HS3ST5: variants seen among roughly 807,000 people sequenced by gnomAD.
The protein encoded by HS3ST5 is heparan sulfate-glucosamine 3-sulfotransferase 5.
In HS3ST5, 10 loss-of-function variants were observed where a neutral mutation model predicts 25.4. The observed-to-expected ratio is 0.39, with a 90% CI of 0.24 to 0.67. HS3ST5 has a LOEUF of 0.67. Among genes scored for constraint, HS3ST5 ranks in the 30% least tolerant of loss-of-function variants. HS3ST5 has a pLI of 0.44. For missense variants in HS3ST5, 324 were observed against 420.7 expected (o/e 0.77, Z 2.01); for synonymous variants, 170 against 162.4 (o/e 1.05, Z -0.36).
At chr6:114,063,250 C>G (rs1582554899) in intron 3 of HS3ST5, among the ~76,000 whole-genome samples, 1 of 152,144 alleles carries the variant, frequency 6.6e-6, no homozygotes, top group African/African-American at 2.4e-5. Context: ...TACGGTGGCT[C>G]AAGCCTGTAA....
chr6:114,215,170 G>A lies in HS3ST5; in HGVS notation c.-145+13415C>T, dbSNP rs79081958. Among the ~76,000 whole-genome samples, 160 of 152,098 alleles carry A rather than the reference G, an allele frequency of 1.1e-3. 6 individuals are homozygous for A. In the East Asian group the frequency reaches 0.028, roughly 27 times the overall value. On this transcript the variant is annotated intron_variant, in intron 2 of 4. Transcript: ENST00000312719. ...AAATACAAAAAATTAGCCAGGCGTCGTGGCGGGCCCCTGTAGTCTCAGCTT... is the reference window on the plus strand; with the variant it reads ...AAATACAAAAAATTAGCCAGGCGTCATGGCGGGCCCCTGTAGTCTCAGCTT...
intron 1 of HS3ST5, among the ~76,000 whole-genome samples, chr6:114,298,475 T>C (rs1026177922): frequency 6.6e-6 from 1 of 152,272 alleles, no homozygotes; most frequent in Non-Finnish European, 1.5e-5. Context: ...TTCACAATTC[T>C]ATGAGGTAGG....
chr6:114,057,467 T>C lies in HS3ST5; in HGVS notation c.831A>G (p.Pro277=), dbSNP rs1260374887. 6.2e-7 allele frequency: 1 copy of C among 1,614,056 alleles called. No homozygotes were observed. The highest frequency in any genetic ancestry group is 8.5e-7 in the Non-Finnish European group (1 of 1,180,038). The change falls in exon 5 of 5, where the codon CCA becomes CCG. Residue 277 remains proline (P), a synonymous_variant. Coordinates refer to ENST00000312719, the MANE Select transcript of HS3ST5 (RefSeq NM_153612.4). ...AGTATAAATTGTATTGACTTATCCT[T>C]GGAGGCAGATTTAGGAACTTCTCCA... ...QLVEKFLNLP[P]RISQYNLYFN... is the part of the protein sequence containing the mutation.
intron 3 of HS3ST5, among the ~76,000 whole-genome samples, chr6:114,127,855 T>TAGAG (rs796967703): frequency 0.011 from 1,679 of 147,070 alleles, 16 homozygotes; most frequent in Middle Eastern, 0.022. Context: ...TATATATATA[T>TAGAG]AGAGAGAGAG....
intron 1 of HS3ST5, among the ~76,000 whole-genome samples, chr6:114,259,409 G>A (rs9398373): frequency 0.046 from 7,000 of 152,202 alleles, 180 homozygotes; most frequent in Middle Eastern, 0.075. Context: ...TATACATCAT[G>A]TTTCCCTTCC....
chr6:114,210,520 C>T lies in HS3ST5; in HGVS notation c.-145+18065G>A, dbSNP rs186588089. 3.0e-3 allele frequency among the ~76,000 whole-genome samples: 453 copies of T among 152,242 alleles called. 2 individuals carry two copies. The highest frequency in any genetic ancestry group is 0.011 in the African/African-American group (441 of 41,528). On this transcript the variant is annotated intron_variant, in intron 2 of 4. Coordinates refer to ENST00000312719, the MANE Select transcript of HS3ST5 (RefSeq NM_153612.4). ...GCTGCATTAAATGGCTTACTATGAACGCAAAACTGATATTTTGTTACAATT... is the reference window on the plus strand; with the variant it reads ...GCTGCATTAAATGGCTTACTATGAATGCAAAACTGATATTTTGTTACAATT...
Position 114,099,019 on chromosome 6 carries a change from C to T in HS3ST5, c.-32-36142G>A, listed in dbSNP as rs77165197. On this transcript the variant is annotated intron_variant, in intron 3 of 4. Transcript: ENST00000312719. ...TAAATATATACCCGAAGTTAAATAA[C>T]AATACAAGAAATGATGTGAGGTGGA... Among the ~76,000 whole-genome samples, 1,462 of 152,118 alleles carry T rather than the reference C, an allele frequency of 9.6e-3. 14 individuals carry two copies. The highest frequency in any genetic ancestry group is 0.031 in the Middle Eastern group (9 of 294).
intron 3 of HS3ST5, among the ~76,000 whole-genome samples, chr6:114,080,359 C>T (rs1446351009): frequency 1.3e-5 from 2 of 152,132 alleles, no homozygotes; most frequent in Non-Finnish European, 2.9e-5. Flanking sequence ...ATGTTTAAAA[C>T]GCTTTTTATT....
intron 2 of HS3ST5, among the ~76,000 whole-genome samples, chr6:114,227,672 T>G (rs1013808471): frequency 1.3e-5 from 2 of 152,058 alleles, no homozygotes; most frequent in Admixed American, 1.3e-4. Flanking sequence ...TAAGCAGATT[T>G]GTTCTTTTAA....
At chr6:114,228,255 G>C (rs182600786) in intron 2 of HS3ST5, among the ~76,000 whole-genome samples, 1 of 151,978 alleles carries the variant, frequency 6.6e-6, no homozygotes, top group Non-Finnish European at 1.5e-5. Context: ...GCATTTTAAG[G>C]ATCCCTCCTC....
chr6:114,085,750 G>A, intron 3 of HS3ST5, among the ~76,000 whole-genome samples: 1 of 151,996 alleles, frequency 6.6e-6, no homozygotes, highest in African/African-American at 2.4e-5. Flanking sequence ...CTTTCCAGCA[G>A]CCTCATAGAT....
At position 114,306,382 on chromosome 6, in the gene HS3ST5, A is replaced by T. The variant is rs570014954; in HGVS notation, c.-339+35813T>A. ...CTCTTAGTAAAATCATTTACATATA[A>T]ATTATTACATATATATAATCTATAA... On this transcript the variant is annotated intron_variant, in intron 1 of 4. Transcript: ENST00000312719. Among the ~76,000 whole-genome samples, 11 of 150,004 alleles carry T rather than the reference A, an allele frequency of 7.3e-5. No individual in the cohort carries two copies. The South Asian group carries it at 2.3e-3, about 31-fold the overall frequency.
At chr6:114,296,416 T>G (rs532672736) in intron 1 of HS3ST5, among the ~76,000 whole-genome samples, 83 of 152,338 alleles carry the variant, frequency 5.4e-4, no homozygotes, top group Non-Finnish European at 9.4e-4. Flanking sequence ...GTATACTTAC[T>G]TATGAATTTT....
At chr6:114,303,611 C>T (rs989629282) in intron 1 of HS3ST5, among the ~76,000 whole-genome samples, 3 of 151,980 alleles carry the variant, frequency 2.0e-5, no homozygotes, top group Non-Finnish European at 4.4e-5. Flanking sequence ...AATGATTTTT[C>T]TTACAGGGGT....
intron 1 of HS3ST5, among the ~76,000 whole-genome samples, chr6:114,334,285 C>T (rs1488233540): frequency 2.0e-5 from 3 of 152,192 alleles, no homozygotes; most frequent in Non-Finnish European, 4.4e-5. Flanking sequence ...TTTTCCAATT[C>T]TCCATGCTGC....
chr6:114,338,580 T>C (rs559487780), intron 1 of HS3ST5, among the ~76,000 whole-genome samples: 11 of 152,142 alleles, frequency 7.2e-5, no homozygotes, highest in African/African-American at 2.4e-4. Flanking sequence ...CTACATTATA[T>C]GAATTTCCAT....
intron 3 of HS3ST5, among the ~76,000 whole-genome samples, chr6:114,126,109 C>G (rs1336079869): frequency 1.3e-5 from 2 of 152,024 alleles, no homozygotes; most frequent in Non-Finnish European, 2.9e-5. Context: ...TTAGGGCGCT[C>G]AGTAAGAAAC....
intron 1 of HS3ST5, among the ~76,000 whole-genome samples, chr6:114,312,908 T>C (rs11755734): frequency 4.0e-5 from 6 of 150,146 alleles, no homozygotes; most frequent in Non-Finnish European, 8.9e-5. Context: ...TACATGCCTA[T>C]AGTTACTAGG....
intron 1 of HS3ST5, among the ~76,000 whole-genome samples, chr6:114,254,815 C>T (rs989215602): frequency 2.0e-5 from 3 of 152,098 alleles, no homozygotes; most frequent in African/African-American, 7.2e-5. Context: ...GAAATTGCTG[C>T]CATGATTCAA....
Sources: gnomAD v4.1 joint callset for allele counts (sites outside exome capture counted in the v4.1 genomes callset) on GRCh38, gnomAD v4.1.1 for gene constraint, MANE v1.5 for transcripts, NCBI Gene and HGNC (gene_info 2026-07-23, HGNC 2026-07-21) for gene names.